The following CDC42BPB variants were observed in gnomAD, a reference collection of about 807,000 sequenced individuals.
CDC42BPB encodes the protein CDC42 binding protein kinase beta, also known as serine/threonine-protein kinase MRCK beta.
Under a neutral mutation model 214.9 loss-of-function variants are expected in CDC42BPB, and 37 were observed. The observed-to-expected ratio is 0.17, with a 90% CI of 0.13 to 0.23. The LOEUF (loss-of-function observed/expected upper bound fraction) is 0.23. CDC42BPB is among the 10% of genes least tolerant of loss of function. CDC42BPB has a pLI of 1.00. For missense variants in CDC42BPB, 1,694 were observed against 2,227.0 expected (o/e 0.76, Z 4.82); for synonymous variants, 931 against 884.0 (o/e 1.05, Z -0.94).
intron 5 of CDC42BPB, among the ~76,000 whole-genome samples, chr14:102,995,118 T>C (rs1318335941): frequency 6.6e-6 from 1 of 152,276 alleles, no homozygotes; most frequent in African/African-American, 2.4e-5. Context: ...TCTGTTCTTA[T>C]TTTGTTCATA....
intron 4 of CDC42BPB, chr14:103,000,021 G>C: frequency 2.2e-6 from 1 of 448,724 alleles, no homozygotes; most frequent in Non-Finnish European, 2.9e-6. Flanking sequence ...ACCCAAAGCA[G>C]AAGCACAGTT....
At position 102,933,645 on chromosome 14, in the gene CDC42BPB, G is replaced by A. The variant is rs562965814; in HGVS notation, c.*67C>T. 3.3e-5 allele frequency: 42 copies of A among 1,272,090 alleles called. No homozygotes were observed. The highest frequency in any genetic ancestry group is 6.3e-5 in the African/African-American group (4 of 63,908). 78.8% of individuals were successfully genotyped at this position (1,272,090 alleles called of 1,614,324 possible). On this transcript the variant is annotated 3_prime_UTR_variant, in exon 37 of 37. Coordinates refer to ENST00000361246, the MANE Select transcript of CDC42BPB (RefSeq NM_006035.4). ...TTCCTTGGACAACACTGGAGGGCCC[G>A]CTCAGTCTTGGCACTGACGCTGGAG...
intron 1 of CDC42BPB, among the ~76,000 whole-genome samples, chr14:103,029,041 A>G (rs1566913463): frequency 6.6e-6 from 1 of 152,226 alleles, no homozygotes; most frequent in African/African-American, 2.4e-5. Context: ...TGAATAGTCA[A>G]TATGTCAGGA....
At chr14:103,011,017 G>C (rs1460449541) in intron 2 of CDC42BPB, among the ~76,000 whole-genome samples, 1 of 152,052 alleles carries the variant, frequency 6.6e-6, no homozygotes, top group African/African-American at 2.4e-5. Flanking sequence ...GTGACACAGC[G>C]AGACTCCATC....
At position 102,995,746 on chromosome 14, in the gene CDC42BPB, G is replaced by A. The variant is rs547245350; in HGVS notation, c.596+3819C>T. On this transcript the variant is annotated intron_variant, in intron 5 of 36. Coordinates refer to ENST00000361246, the MANE Select transcript of CDC42BPB (RefSeq NM_006035.4). Reference sequence around the variant, plus strand: ...GGCCCAAGCGGCAGCACAGTGGCACGGGCTCCAAACCATGCTGTAACGTCA... The same window carrying A: ...GGCCCAAGCGGCAGCACAGTGGCACAGGCTCCAAACCATGCTGTAACGTCA... 6.6e-5 allele frequency among the ~76,000 whole-genome samples: 10 copies of A among 152,334 alleles called. No individual in the cohort carries two copies. The South Asian group carries it at 1.9e-3, about 28-fold the overall frequency.
chr14:102,973,360 A>C (rs938779196), intron 12 of CDC42BPB, among the ~76,000 whole-genome samples: 3 of 152,252 alleles, frequency 2.0e-5, no homozygotes, highest in Non-Finnish European at 4.4e-5. Context: ...TGTATCAATG[A>C]ATGTATTTTA....
At chr14:103,038,828 C>T (rs187754655) in intron 1 of CDC42BPB, among the ~76,000 whole-genome samples, 21 of 151,650 alleles carry the variant, frequency 1.4e-4, no homozygotes, top group African/African-American at 4.8e-4. Context: ...CTACAATTAC[C>T]TTTTATTATG....
At chr14:102,957,866 A>G (rs763646195) in intron 21 of CDC42BPB, among the ~76,000 whole-genome samples, 9 of 152,222 alleles carry the variant, frequency 5.9e-5, no homozygotes, top group Non-Finnish European at 1.2e-4. Context: ...CAGACTTGGC[A>G]TCACCCACCC....
intron 8 of CDC42BPB, chr14:102,978,430 C>T (rs1258811232): frequency 1.4e-6 from 1 of 694,986 alleles, no homozygotes; most frequent in Admixed American, 6.3e-5. Flanking sequence ...ACAGGAGACA[C>T]ACTCTGATTT....
intron 21 of CDC42BPB, among the ~76,000 whole-genome samples, chr14:102,957,565 C>T (rs1021826672): frequency 5.9e-5 from 9 of 152,194 alleles, no homozygotes; most frequent in Admixed American, 3.3e-4. Context: ...GGGCACTTAC[C>T]GGTTAAATAG....
chr14:103,027,052 TATTAATA>T (rs1420196838), intron 1 of CDC42BPB, among the ~76,000 whole-genome samples: 4 of 152,178 alleles, frequency 2.6e-5, no homozygotes, highest in African/African-American at 9.7e-5. Context: ...AAAGAAGATA[TATTAATA>T]CAAATGCCCA....
intron 1 of CDC42BPB, among the ~76,000 whole-genome samples, chr14:103,021,552 G>A (rs1429283029): frequency 2.0e-5 from 3 of 151,970 alleles, no homozygotes; most frequent in Admixed American, 6.5e-5. Flanking sequence ...GCATGGTGGC[G>A]CGTGCCTGCA....
Position 102,939,823 on chromosome 14 carries a change from C to T in CDC42BPB, c.4709+7G>A, listed in dbSNP as rs1445257687. The stretch of plus-strand genomic sequence containing the variant: ...GCCCAGCAGGCCCCGTGAGGCCCCG[C>T]TCCTACCGCCTCTGCTGCAGTCTCT... On this transcript the variant is annotated splice_region_variant and intron_variant, in intron 33 of 36. Transcript: ENST00000361246. 4.3e-6 allele frequency: 7 copies of T among 1,613,942 alleles called. No homozygotes were observed. The highest frequency in any genetic ancestry group is 5.9e-6 in the Non-Finnish European group (7 of 1,180,044).
intron 1 of CDC42BPB, among the ~76,000 whole-genome samples, chr14:103,038,277 G>T (rs1226562922): frequency 1.3e-5 from 2 of 151,272 alleles, no homozygotes; most frequent in Middle Eastern, 3.2e-3. Context: ...GGCGGAGCTT[G>T]CAGTGAGCCG....
At chr14:102,984,665 C>T (rs188237849) in intron 6 of CDC42BPB, among the ~76,000 whole-genome samples, 38 of 152,028 alleles carry the variant, frequency 2.5e-4, no homozygotes, top group African/African-American at 8.9e-4. Flanking sequence ...GCAGAGAGAA[C>T]GATGGAGAGT....
In CDC42BPB at chr14:103,031,408, A is replaced by G. The variant is rs144842593; in HGVS notation, c.176-19220T>C. Among the ~76,000 whole-genome samples, 211 of 152,342 alleles carry G rather than the reference A, an allele frequency of 1.4e-3. 1 individual carries two copies. The highest frequency in any genetic ancestry group is 4.8e-3 in the African/African-American group (201 of 41,592). On this transcript the variant is annotated intron_variant, in intron 1 of 36. Coordinates refer to ENST00000361246, the MANE Select transcript of CDC42BPB (RefSeq NM_006035.4). ...TGAAAGAGCTTTCCAAATAATCAATAAAACTTTACGGCAAAGTCAGCAAAT... is the reference window on the plus strand; with the variant it reads ...TGAAAGAGCTTTCCAAATAATCAATGAAACTTTACGGCAAAGTCAGCAAAT...
intron 12 of CDC42BPB, among the ~76,000 whole-genome samples, chr14:102,973,155 G>A (rs36047358): frequency 3.0e-3 from 459 of 152,296 alleles, no homozygotes; most frequent in Admixed American, 6.1e-3. Flanking sequence ...TGAAGGGGAG[G>A]CCTCCCCAGG....
chr14:102,959,707 A>G lies in CDC42BPB; in HGVS notation c.2825T>C (p.Leu942Pro). ...GGAATCCTGAAAATCTGGAAGTTTG[A>G]GCCCTGCAAAAAGAAACAAAGAATA... ...MEEKFRADTG[L>P]KLPDFQDSIF... Residue 942 changes from leucine (L) to proline (P), a missense_variant, in exon 21 of 37, where the codon CTC becomes CCC. Transcript: ENST00000361246. The G allele has an allele frequency of 6.2e-7, 1 of 1,610,822 alleles. No individual in the cohort carries two copies. Among genetic ancestry groups the G allele is most frequent in the South Asian group, 1.1e-5 (1 of 90,076 alleles).
At chr14:102,965,106 G>C (rs1893138426) in intron 18 of CDC42BPB, among the ~76,000 whole-genome samples, 1 of 151,874 alleles carries the variant, frequency 6.6e-6, no homozygotes. Context: ...GCTAATTTTT[G>C]TATTTTTAGT....
Sources: allele counts gnomAD v4.1 joint callset (sites outside exome capture counted in the v4.1 genomes callset), GRCh38; gene constraint gnomAD v4.1.1; transcripts MANE v1.5; gene names NCBI Gene and HGNC (gene_info 2026-07-23, HGNC 2026-07-21).